MPDZ: variants seen among roughly 807,000 people sequenced by gnomAD.
MPDZ encodes multiple PDZ domain crumbs cell polarity complex component, also known as multiple PDZ domain protein.
In MPDZ, 234 loss-of-function variants were observed where a neutral mutation model predicts 239.1. The observed-to-expected ratio is 0.98, with a 90% confidence interval of 0.88 to 1.09. The LOEUF (loss-of-function observed/expected upper bound fraction) is 1.09, where lower values mean the gene tolerates loss of function less well. Among genes scored for constraint, MPDZ ranks in the 50% least tolerant of loss-of-function variants. The probability of loss-of-function intolerance (pLI) is 0.00; values close to 1 mark genes in which losing one functional copy is unlikely to be tolerated. For missense variants in MPDZ, 3,175 were observed against 2,510.0 expected, an observed-to-expected ratio of 1.26 and a Z score of -5.66; for synonymous variants, 1,048 against 881.3, an observed-to-expected ratio of 1.19 and a Z score of -3.35.
At chr9:13,110,433 ACAAT>A (rs957121058) in intron 44 of MPDZ, among the ~76,000 whole-genome samples, 199 bp downstream of exon 44, 3 of 152,182 alleles carry the variant, frequency 2.0e-5, no homozygotes, top group African/African-American at 7.2e-5. Flanking sequence ...AAAGTATAAA[ACAAT>A]CAATGCATCA....
chr9:13,231,012 C>T (rs1382176612), intron 3 of MPDZ, among the ~76,000 whole-genome samples: 1 of 151,664 alleles, frequency 6.6e-6, no homozygotes, highest in East Asian at 1.9e-4. Flanking sequence ...TATATTGCAG[C>T]AAAAATCAAC....
At chr9:13,142,822 A>G (rs1425123758) in intron 27 of MPDZ, among the ~76,000 whole-genome samples, 2 of 152,142 alleles carry the variant, frequency 1.3e-5, no homozygotes, top group African/African-American at 4.8e-5. Flanking sequence ...TTTCCTGAAA[A>G]AAATTGTTGA....
intron 1 of MPDZ, among the ~76,000 whole-genome samples, chr9:13,258,344 ACTTAT>A (rs1969917940): frequency 2.0e-5 from 3 of 152,218 alleles, no homozygotes; most frequent in Admixed American, 6.5e-5. Context: ...ACAATTTTCT[ACTTAT>A]CTTAAACAAT....
At chr9:13,162,487 T>G (rs1193723893) in intron 23 of MPDZ, among the ~76,000 whole-genome samples, 3 of 151,866 alleles carry the variant, frequency 2.0e-5, no homozygotes, top group Non-Finnish European at 4.4e-5. Flanking sequence ...TTTATTAATT[T>G]GAATATTTAT....
intron 21 of MPDZ, among the ~76,000 whole-genome samples, chr9:13,169,589 G>A (rs1951524240): frequency 6.6e-6 from 1 of 151,944 alleles, no homozygotes; most frequent in African/African-American, 2.4e-5. Flanking sequence ...CTTCCTAACT[G>A]GTCACCTGCC....
rs1949016053 is a variant in MPDZ at position 13,150,495 on chromosome 9, G to T, written c.3630+16C>A. The stretch of plus-strand genomic sequence containing the variant: ...AAACAAACAAATTTTAGCACAGAAA[G>T]CTCACTAGAGGGTACCTCTACGATT... On this transcript the variant is annotated intron_variant, in intron 25 of 46. Transcript: ENST00000319217. 6.8e-7 allele frequency: 1 copy of T among 1,470,214 alleles called. No individual in the cohort carries two copies. The highest frequency in any genetic ancestry group is 2.5e-5 in the East Asian group (1 of 39,676). 91.1% of individuals were successfully genotyped at this position (1,470,214 alleles called of 1,614,324 possible).
At chr9:13,187,941 G>C (rs1438598205) in intron 17 of MPDZ, among the ~76,000 whole-genome samples, 1 of 152,030 alleles carries the variant, frequency 6.6e-6, no homozygotes, top group Non-Finnish European at 1.5e-5. Context: ...TATGATTTGG[G>C]AGCTATTCCC....
intron 1 of MPDZ, among the ~76,000 whole-genome samples, chr9:13,272,816 C>T (rs189096788): frequency 2.0e-5 from 3 of 151,930 alleles, no homozygotes; most frequent in Admixed American, 6.5e-5. Context: ...AGTGAGAAGC[C>T]GAGGAGGAAA....
intron 3 of MPDZ, among the ~76,000 whole-genome samples, chr9:13,237,201 G>C (rs1282148562): frequency 1.3e-5 from 2 of 151,900 alleles, no homozygotes; most frequent in African/African-American, 4.8e-5. Flanking sequence ...CCAGCACTTT[G>C]GGAGGCTGAG....
Position 13,176,308 on chromosome 9 carries a change from T to C in MPDZ, c.2759A>G (p.Asp920Gly). The change falls in exon 20 of 47, where the codon GAC (aspartate) becomes GGC (glycine). Residue 920 changes from aspartate to glycine, a missense_variant. Asp to Gly is a moderately conservative substitution (Grantham distance 94). Coordinates refer to ENST00000319217, the MANE Select transcript of MPDZ (RefSeq NM_001378778.1). ...GCCAGAAGCAGGCCCCATACTTATG[T>C]CCACCGAAGGTGTATTCTCATCCTG... ...QRQDENTPSV[D>G]ISMGPASGFT... 6.2e-7 allele frequency: 1 copy of C among 1,610,186 alleles called. No homozygotes were observed. The highest frequency in any genetic ancestry group is 1.1e-5 in the South Asian group (1 of 90,224).
Position 13,181,852 on chromosome 9 carries a change from C to T in MPDZ, c.2649+1566G>A, listed in dbSNP as rs554900188. On this transcript the variant is annotated intron_variant, in intron 19 of 46. Coordinates refer to ENST00000319217, the MANE Select transcript of MPDZ (RefSeq NM_001378778.1). The stretch of plus-strand genomic sequence containing the variant: ...GTGCTATGCTGTGGATTAGGAGATT[C>T]CATCAGGAGATGAACTCAGCTTCCA... Among the ~76,000 whole-genome samples the T allele has an allele frequency of 4.6e-5, 7 of 152,206 alleles. No individual in the cohort carries two copies. The South Asian group carries it at 1.5e-3, about 32-fold the overall frequency.
At chr9:13,165,545 CTCCCT>C in intron 22 of MPDZ, 1 of 891,276 alleles carries the variant, frequency 1.1e-6, no homozygotes, top group South Asian at 1.8e-5. Flanking sequence ...CCCTTTCCAC[CTCCCT>C]CCCATCTACA....
chr9:13,248,235 A>G (rs1339810268), intron 2 of MPDZ, among the ~76,000 whole-genome samples: 4 of 151,374 alleles, frequency 2.6e-5, no homozygotes, highest in Non-Finnish European at 5.9e-5. Context: ...CTCAAAAAAA[A>G]AAAAAAAAAC....
intron 24 of MPDZ, among the ~76,000 whole-genome samples, chr9:13,157,801 A>T (rs946264639): frequency 6.6e-6 from 1 of 152,170 alleles, no homozygotes; most frequent in Admixed American, 6.6e-5. Flanking sequence ...TTTAGTCCCT[A>T]CTATGTGCCA....
At chr9:13,158,816 A>G (rs1950133575) in intron 23 of MPDZ, among the ~76,000 whole-genome samples, 1 of 152,208 alleles carries the variant, frequency 6.6e-6, no homozygotes, top group African/African-American at 2.4e-5. Context: ...AAACTGTACA[A>G]TAATAACAAC....
chr9:13,137,921 A>C (rs2132351249), intron 29 of MPDZ, 36 bp downstream of exon 29: 2 of 1,602,172 alleles, frequency 1.2e-6, no homozygotes, highest in Non-Finnish European at 1.7e-6. Context: ...CCCTTATAAA[A>C]CAAGAATAAA....
chr9:13,272,017 T>C (rs1365676394), intron 1 of MPDZ, among the ~76,000 whole-genome samples: 1 of 152,152 alleles, frequency 6.6e-6, no homozygotes, highest in Non-Finnish European at 1.5e-5. Flanking sequence ...ACTACCAAGA[T>C]GCATGAGGAA....
chr9:13,258,050 A>G (rs1418139839), intron 1 of MPDZ, among the ~76,000 whole-genome samples: 1 of 152,190 alleles, frequency 6.6e-6, no homozygotes, highest in Non-Finnish European at 1.5e-5. Context: ...CTGTGACCAT[A>G]TGATTCTCCA....
chr9:13,234,053 T>C (rs1490608607), intron 3 of MPDZ, among the ~76,000 whole-genome samples: 1 of 152,140 alleles, frequency 6.6e-6, no homozygotes, highest in African/African-American at 2.4e-5. Flanking sequence ...TTTTTAAAAC[T>C]TTTAATCATT....
Sources: gnomAD v4.1 joint callset for allele counts (sites outside exome capture counted in the v4.1 genomes callset) on GRCh38, gnomAD v4.1.1 for gene constraint, MANE v1.5 for transcripts, NCBI Gene and HGNC (gene_info 2026-07-23, HGNC 2026-07-21) for gene names.